KCNH1: variants seen among roughly 807,000 people sequenced by gnomAD.
KCNH1 encodes the protein potassium voltage-gated channel subfamily H member 1, also known as voltage-gated delayed rectifier potassium channel KCNH1.
Under a neutral mutation model 69.2 loss-of-function variants are expected in KCNH1, and 27 were observed. The ratio of observed to expected loss-of-function variants is 0.39; its 90% CI spans 0.29 to 0.54. The LOEUF is 0.54. Ranked by LOEUF, KCNH1 falls within the 20% of genes least tolerant of loss-of-function variation. The pLI is 0.68. For missense variants in KCNH1, 798 were observed against 1,261.6 expected, an observed-to-expected ratio of 0.63 and a Z score of 5.57; for synonymous variants, 456 against 487.7, an observed-to-expected ratio of 0.93 and a Z score of 0.86.
At chr1:210,829,013 G>T (rs546568742) in intron 7 of KCNH1, among the ~76,000 whole-genome samples, 1 of 152,306 alleles carries the variant, frequency 6.6e-6, no homozygotes, top group African/African-American at 2.4e-5. Context: ...CATCATGGAG[G>T]TGTGCATAGC....
At chr1:210,829,045 G>A (rs965007674) in intron 7 of KCNH1, among the ~76,000 whole-genome samples, 4 of 152,194 alleles carry the variant, frequency 2.6e-5, no homozygotes, top group East Asian at 1.9e-4. Flanking sequence ...AGTATGTTGT[G>A]TAGAGTATTC....
At chr1:210,829,894 T>C (rs570011406) in intron 7 of KCNH1, among the ~76,000 whole-genome samples, 2 of 152,288 alleles carry the variant, frequency 1.3e-5, no homozygotes, top group African/African-American at 2.4e-5. Flanking sequence ...ACATAGCCCT[T>C]AGAATGTGGG....
chr1:210,938,922 G>A (rs78904317), intron 6 of KCNH1, among the ~76,000 whole-genome samples: 3,481 of 152,218 alleles, frequency 0.023, 131 homozygotes, highest in African/African-American at 0.08. Context: ...AAACGAGTAC[G>A]AATATGGCAG....
chr1:211,088,465 T>G (rs549776538), intron 4 of KCNH1, among the ~76,000 whole-genome samples: 105 of 152,302 alleles, frequency 6.9e-4, no homozygotes, highest in African/African-American at 2.4e-3. Context: ...TAACAAGGCC[T>G]AGAGAATTAT....
intron 7 of KCNH1, among the ~76,000 whole-genome samples, chr1:210,832,787 C>T (rs1574283616): frequency 6.6e-6 from 1 of 151,674 alleles, no homozygotes; most frequent in Admixed American, 6.6e-5. Context: ...TCAGAGAAGA[C>T]CGCAGATAGT....
At chr1:210,715,761 G>A (rs1255748264) in intron 10 of KCNH1, among the ~76,000 whole-genome samples, 2 of 152,112 alleles carry the variant, frequency 1.3e-5, no homozygotes, top group Non-Finnish European at 2.9e-5. Context: ...GTGACCTTCT[G>A]TGGGGCCTGG....
intron 7 of KCNH1, among the ~76,000 whole-genome samples, chr1:210,841,802 G>A (rs1685419188): frequency 6.6e-6 from 1 of 152,130 alleles, no homozygotes; most frequent in South Asian, 2.1e-4. Context: ...AATAAAGTAT[G>A]ATCCTAATGA....
chr1:210,914,905 T>C (rs927397439), intron 7 of KCNH1, among the ~76,000 whole-genome samples: 3 of 152,002 alleles, frequency 2.0e-5, no homozygotes, highest in Admixed American at 1.3e-4. Context: ...TAGGAGTACA[T>C]TGTCTAGACC....
At chr1:210,709,054 C>A (rs1457916663) in intron 10 of KCNH1, among the ~76,000 whole-genome samples, 2 of 152,134 alleles carry the variant, frequency 1.3e-5, no homozygotes, top group African/African-American at 4.8e-5. Flanking sequence ...AGCTCGAGAC[C>A]AGCCTGACCA....
intron 5 of KCNH1, among the ~76,000 whole-genome samples, chr1:211,022,788 A>G (rs1689609556): frequency 6.6e-6 from 1 of 152,070 alleles, no homozygotes. Context: ...ATCTCATCCC[A>G]GTTAAATGGC....
intron 6 of KCNH1, among the ~76,000 whole-genome samples, chr1:210,931,819 G>A (rs1383682302): frequency 2.7e-5 from 4 of 149,756 alleles, no homozygotes; most frequent in Non-Finnish European, 5.9e-5. Context: ...CAGAAATCTT[G>A]GAGGTGAAGT....
At chr1:211,040,646 C>T (rs1231511423) in intron 5 of KCNH1, among the ~76,000 whole-genome samples, 1 of 152,146 alleles carries the variant, frequency 6.6e-6, no homozygotes, top group Non-Finnish European at 1.5e-5. Flanking sequence ...GAAAATTTTT[C>T]GTGTCCAGTA....
At chr1:210,846,389 T>C (rs571826844) in intron 7 of KCNH1, among the ~76,000 whole-genome samples, 4 of 151,968 alleles carry the variant, frequency 2.6e-5, no homozygotes, top group Admixed American at 6.6e-5. Flanking sequence ...GAGATATAGA[T>C]CAATGGAACA....
intron 10 of KCNH1, among the ~76,000 whole-genome samples, chr1:210,750,081 T>A (rs977676916): frequency 6.6e-6 from 1 of 152,042 alleles, no homozygotes; most frequent in African/African-American, 2.4e-5. Context: ...TGGGCTGAAA[T>A]GTGGGCAGCA....
chr1:211,033,777 G>T (rs1474625366), intron 5 of KCNH1, among the ~76,000 whole-genome samples: 32 of 151,904 alleles, frequency 2.1e-4, no homozygotes, highest in Non-Finnish European at 4.4e-5. Context: ...GGTGGGGGGA[G>T]TGGGGAGGGA....
intron 7 of KCNH1, among the ~76,000 whole-genome samples, chr1:210,837,331 G>T (rs553524828): frequency 1.3e-5 from 2 of 152,140 alleles, no homozygotes; most frequent in East Asian, 3.9e-4. Flanking sequence ...TTGGCACTTT[G>T]CTTGCATCTG....
intron 6 of KCNH1, among the ~76,000 whole-genome samples, chr1:210,965,059 T>TA (rs1207366162): frequency 4.6e-5 from 7 of 152,144 alleles, no homozygotes; most frequent in Admixed American, 4.6e-4. Context: ...TACTTCATGC[T>TA]AAAAAACTGT....
chr1:210,911,631 CA>C (rs61661527), intron 7 of KCNH1, among the ~76,000 whole-genome samples: 9,534 of 104,808 alleles, frequency 0.091, 868 homozygotes, highest in African/African-American at 0.26. Flanking sequence ...ATTTTCAAAG[CA>C]AAAAAAAAAA....
intron 6 of KCNH1, among the ~76,000 whole-genome samples, chr1:210,955,877 A>C (rs976992289): frequency 2.6e-5 from 4 of 152,046 alleles, no homozygotes; most frequent in Admixed American, 6.6e-5. Context: ...CTCTTTTCCT[A>C]ATTGAATACC....
Sources: allele counts gnomAD v4.1 joint callset (sites outside exome capture counted in the v4.1 genomes callset), GRCh38; gene constraint gnomAD v4.1.1; transcripts MANE v1.5; gene names NCBI Gene and HGNC (gene_info 2026-07-23, HGNC 2026-07-21).